TANGO6: variants seen among roughly 807,000 people sequenced by gnomAD.
TANGO6 encodes the protein transport and golgi organization 6 homolog, also known as transport and Golgi organization protein 6 homolog.
In TANGO6, 90 loss-of-function variants were observed where a neutral mutation model predicts 114.2. The observed-to-expected ratio is 0.79, with a 90% CI of 0.66 to 0.94. The LOEUF is 0.94. Ranked by LOEUF, TANGO6 falls within the 40% of genes least tolerant of loss-of-function variation. The pLI is 0.00. For synonymous variants in TANGO6, 477 were observed against 509.8 expected, an observed-to-expected ratio of 0.94 and a Z score of 0.87; for missense variants, 1,274 against 1,315.3, an observed-to-expected ratio of 0.97 and a Z score of 0.49.
intron 15 of TANGO6, among the ~76,000 whole-genome samples, chr16:68,989,621 G>A (rs1307267087): frequency 6.6e-6 from 1 of 152,074 alleles, no homozygotes; most frequent in African/African-American, 2.4e-5. Context: ...ACTGTTGATT[G>A]TCTTTTTCCT....
chr16:68,843,635 C>A lies in TANGO6; in HGVS notation c.18C>A (p.Ala6=). The A allele has an allele frequency of 6.2e-7, 1 of 1,613,468 alleles. No homozygotes were observed. Among genetic ancestry groups the A allele is most frequent in the Non-Finnish European group, 8.5e-7 (1 of 1,179,662 alleles). ...CTCCAGTCATGGCGGCCCGACAGGC[C>A]GTGGGCAGCGGGGCTCAGGAGACAT... The part of the protein sequence containing the change: MAARQ[A]VGSGAQETCG... Residue 6 remains alanine (A), a synonymous_variant, in exon 1 of 18, where the codon GCC becomes GCA. Coordinates refer to ENST00000261778, the MANE Select transcript of TANGO6 (RefSeq NM_024562.2).
At chr16:68,975,003 A>G (rs1312300624) in intron 15 of TANGO6, among the ~76,000 whole-genome samples, 1 of 152,054 alleles carries the variant, frequency 6.6e-6, no homozygotes, top group Non-Finnish European at 1.5e-5. Context: ...GGCTGCAGTG[A>G]GCAATGATTG....
intron 2 of TANGO6, 114 bp downstream of exon 2, chr16:68,860,638 C>CTTTGG: frequency 7.6e-7 from 1 of 1,315,674 alleles, no homozygotes; most frequent in Non-Finnish European, 1.0e-6. Flanking sequence ...ACTGGATATG[C>CTTTGG]CAAAGCATAT....
At chr16:69,027,106 C>T (rs1057148456) in intron 16 of TANGO6, among the ~76,000 whole-genome samples, 6 of 152,212 alleles carry the variant, frequency 3.9e-5, no homozygotes, top group Non-Finnish European at 8.8e-5. Flanking sequence ...AAGTGATCTG[C>T]GTGCCTCGGC....
intron 17 of TANGO6, among the ~76,000 whole-genome samples, chr16:69,060,228 G>A (rs1454049628): frequency 6.6e-6 from 1 of 152,032 alleles, no homozygotes; most frequent in African/African-American, 2.4e-5. Flanking sequence ...ATGTTGCCCA[G>A]GTTGCTCTTG....
intron 17 of TANGO6, among the ~76,000 whole-genome samples, chr16:69,065,341 A>G (rs2152241439): frequency 6.6e-6 from 1 of 152,316 alleles, no homozygotes; most frequent in South Asian, 2.1e-4. Context: ...TTTTTTGTTT[A>G]GGACTCCTGA....
chr16:68,874,340 G>A (rs1962324415), intron 4 of TANGO6, among the ~76,000 whole-genome samples: 1 of 152,172 alleles, frequency 6.6e-6, no homozygotes, highest in Non-Finnish European at 1.5e-5. Context: ...AGTGAACGAG[G>A]GCAGTCGTCA....
intron 7 of TANGO6, among the ~76,000 whole-genome samples, chr16:68,892,818 G>T (rs767595548): frequency 3.3e-5 from 5 of 151,976 alleles, no homozygotes; most frequent in Non-Finnish European, 5.9e-5. Context: ...CCCGGGCCAG[G>T]TTCAGCCTTT....
intron 15 of TANGO6, among the ~76,000 whole-genome samples, chr16:69,008,416 C>T (rs1964114627): frequency 6.6e-6 from 1 of 152,152 alleles, no homozygotes; most frequent in South Asian, 2.1e-4. Flanking sequence ...GTTTTTTGTA[C>T]AGCCGAGATC....
chr16:68,927,619 A>G lies in TANGO6; in HGVS notation c.2179A>G (p.Lys727Glu), dbSNP rs761328274. The G allele has an allele frequency of 3.2e-5, 51 of 1,613,854 alleles. No homozygotes were observed. Among genetic ancestry groups the G allele is most frequent in the Non-Finnish European group, 4.2e-5 (50 of 1,179,890 alleles). ...GAAGCAGTTGTTGCCTCTGTTGGAGAAGGTATCCAACACATACCCTGATCC... is the reference window on the plus strand; with the variant it reads ...GAAGCAGTTGTTGCCTCTGTTGGAGGAGGTATCCAACACATACCCTGATCC... ...VLKQLLPLLEKVSNTYPDPVI... is the reference protein window; with the variant it reads ...VLKQLLPLLEEVSNTYPDPVI... The change falls in exon 13 of 18, where the codon AAG (lysine) becomes GAG (glutamate). Residue 727 changes from lysine to glutamate, a missense_variant. Lys to Glu is a moderately conservative substitution (Grantham distance 56). Coordinates refer to ENST00000261778, the MANE Select transcript of TANGO6 (RefSeq NM_024562.2).
intron 2 of TANGO6, 109 bp downstream of exon 2, chr16:68,860,633 A>G: frequency 3.7e-6 from 5 of 1,354,784 alleles, no homozygotes; most frequent in Non-Finnish European, 4.9e-6. Flanking sequence ...TCAGAACTGG[A>G]TATGCCAAAG....
chr16:68,904,578 A>G (rs1312277609), intron 9 of TANGO6, among the ~76,000 whole-genome samples: 1 of 152,258 alleles, frequency 6.6e-6, no homozygotes. Context: ...GTACTTTTCA[A>G]TGAGATGAAG....
intron 14 of TANGO6, among the ~76,000 whole-genome samples, chr16:68,941,376 A>G (rs966783250): frequency 6.6e-6 from 1 of 152,140 alleles, no homozygotes; most frequent in African/African-American, 2.4e-5. Flanking sequence ...TTTGATCTCT[A>G]TTAGTAGTTT....
chr16:68,959,444 G>A (rs35828316), intron 14 of TANGO6, among the ~76,000 whole-genome samples: 9,217 of 152,094 alleles, frequency 0.061, 348 homozygotes, highest in Middle Eastern at 0.092. Flanking sequence ...AAAGTTAGCT[G>A]GGTGTGGTGG....
Position 69,047,530 on chromosome 16 carries a change from G to C in TANGO6, c.3108+7109G>C, listed in dbSNP as rs149026688. On this transcript the variant is annotated intron_variant, in intron 17 of 17. Transcript: ENST00000261778. ...GATTTGGTGTGACCAGAGGCTCTCA[G>C]GACCCTAATCTTACATTTCCCCTAG... 4.6e-3 allele frequency among the ~76,000 whole-genome samples: 692 copies of C among 151,694 alleles called. 8 individuals are homozygous for C. Among genetic ancestry groups the C allele is most frequent in the African/African-American group, 0.016 (670 of 41,348 alleles).
At chr16:69,074,460 G>A (rs980871286) in intron 17 of TANGO6, among the ~76,000 whole-genome samples, 1 of 152,086 alleles carries the variant, frequency 6.6e-6, no homozygotes, top group Non-Finnish European at 1.5e-5. Flanking sequence ...TCCCGAAAGA[G>A]GAGGAACGTG....
intron 14 of TANGO6, among the ~76,000 whole-genome samples, chr16:68,946,749 G>A (rs1963418579): frequency 6.6e-6 from 1 of 152,120 alleles, no homozygotes; most frequent in Admixed American, 6.6e-5. Flanking sequence ...TAATCTGCCT[G>A]TATCAGCCTC....
chr16:68,952,839 AC>A (rs1453588100), intron 14 of TANGO6, among the ~76,000 whole-genome samples: 1 of 152,058 alleles, frequency 6.6e-6, no homozygotes, highest in African/African-American at 2.4e-5. Flanking sequence ...CTCTCTGTCC[AC>A]CTGCTGGGAC....
intron 15 of TANGO6, among the ~76,000 whole-genome samples, chr16:68,984,734 C>T (rs1302825561): frequency 6.6e-6 from 1 of 152,128 alleles, no homozygotes; most frequent in African/African-American, 2.4e-5. Flanking sequence ...GTTGCCCAGG[C>T]TGTTCTCAAA....
Sources: allele counts gnomAD v4.1 joint callset (sites outside exome capture counted in the v4.1 genomes callset), GRCh38; gene constraint gnomAD v4.1.1; transcripts MANE v1.5; gene names NCBI Gene and HGNC (gene_info 2026-07-23, HGNC 2026-07-21).